The following BLMH variants were observed in gnomAD, a reference collection of about 807,000 sequenced individuals.
BLMH encodes bleomycin hydrolase, also known as BLM hydrolase.
BLMH carries 32 observed loss-of-function variants against 61.6 expected under a neutral mutation model. The observed-to-expected ratio is 0.52, with a 90% confidence interval of 0.39 to 0.70. BLMH has a LOEUF of 0.70. BLMH is among the 30% of genes least tolerant of loss of function. BLMH has a pLI of 0.00. For synonymous variants in BLMH, 183 were observed against 193.8 expected (o/e 0.94, Z 0.46); for missense variants, 460 against 555.5 (o/e 0.83, Z 1.73).
intron 5 of BLMH, among the ~76,000 whole-genome samples, chr17:30,285,730 C>T (rs866474156): frequency 6.6e-6 from 1 of 152,182 alleles, no homozygotes; most frequent in African/African-American, 2.4e-5. Flanking sequence ...CTGCAAACAT[C>T]GCATAAAGGT....
At chr17:30,272,138 C>T (rs1451843040) in intron 9 of BLMH, 1 of 193,798 alleles carries the variant, frequency 5.2e-6, no homozygotes, top group Non-Finnish European at 1.1e-5. Flanking sequence ...AGGAGGAATG[C>T]TATAAAGTAT....
At chr17:30,249,335 G>T in intron 11 of BLMH, 167 bp from the exon 12 acceptor site, 1 of 761,750 alleles carries the variant, frequency 1.3e-6, no homozygotes, top group Non-Finnish European at 2.0e-6. Context: ...CTGTGAAGCA[G>T]ATAGGACAGG....
intron 11 of BLMH, among the ~76,000 whole-genome samples, chr17:30,263,856 A>G (rs943869176): frequency 6.6e-6 from 1 of 152,250 alleles, no homozygotes; most frequent in Admixed American, 6.5e-5. Flanking sequence ...AACAGTCAGA[A>G]ATCCCAAAGA....
Position 30,286,895 on chromosome 17 carries a change from A to G in BLMH, c.471T>C (p.Tyr157=), listed in dbSNP as rs775958961. 1.9e-6 allele frequency: 3 copies of G among 1,578,162 alleles called. No individual in the cohort carries two copies. The highest frequency in any genetic ancestry group is 1.1e-5 in the South Asian group (1 of 89,038). Residue 157 remains tyrosine (Y), a synonymous_variant, in exon 5 of 12, where the codon TAT becomes TAC. Coordinates refer to ENST00000261714, the MANE Select transcript of BLMH (RefSeq NM_000386.4). ...GGAAGCATTTCTTAGGGATAACACC[A>G]TATTTTTCTAAAAGAAAACAAATTC... ...WDMLVNIVEK[Y]GVIPKKCFPE...
At chr17:30,269,951 C>G (rs1270138199) in intron 10 of BLMH, among the ~76,000 whole-genome samples, 1 of 152,072 alleles carries the variant, frequency 6.6e-6, no homozygotes, top group Non-Finnish European at 1.5e-5. Flanking sequence ...GTTTTGAATA[C>G]AGAGAGAGCA....
At chr17:30,258,920 C>A (rs913463355) in intron 11 of BLMH, among the ~76,000 whole-genome samples, 2 of 152,172 alleles carry the variant, frequency 1.3e-5, no homozygotes, top group African/African-American at 4.8e-5. Flanking sequence ...ACCTGTTCAA[C>A]GCATGCTCCA....
At chr17:30,258,240 G>A (rs1907868187) in intron 11 of BLMH, among the ~76,000 whole-genome samples, 1 of 151,750 alleles carries the variant, frequency 6.6e-6, no homozygotes, top group Admixed American at 6.6e-5. Context: ...AAAAGCCAGA[G>A]GAAGAGAACC....
intron 6 of BLMH, among the ~76,000 whole-genome samples, chr17:30,283,356 G>A (rs1597666622): frequency 6.6e-6 from 1 of 151,970 alleles, no homozygotes; most frequent in South Asian, 2.1e-4. Flanking sequence ...CAATTACCAC[G>A]CTCTACCAAT....
In BLMH at chr17:30,254,516, A is replaced by G. The variant is rs1907761626; in HGVS notation, c.1217-5348T>C. Among the ~76,000 whole-genome samples, 3 of 152,226 alleles carry G rather than the reference A, an allele frequency of 2.0e-5. No homozygotes were observed. The South Asian group carries it at 6.2e-4, about 32-fold the overall frequency. ...CAAAGACTGTGTAGCAACATGAAGA[A>G]ATGTTTAGGTGATAAAAAATAGATT... On this transcript the variant is annotated intron_variant, in intron 11 of 11. Coordinates refer to ENST00000261714, the MANE Select transcript of BLMH (RefSeq NM_000386.4).
Position 30,249,209 on chromosome 17 carries a change from G to A in BLMH, c.1217-41C>T, listed in dbSNP as rs1393702428. On this transcript the variant is annotated intron_variant, in intron 11 of 11. Transcript: ENST00000261714. ...GAAGACTTATGAGTCCAGAGGGCAA[G>A]GGACAAAGAGCAGAAACCCTTTTTG... The A allele has an allele frequency of 2.5e-6, 4 of 1,602,720 alleles. No homozygotes were observed. The African/African-American group carries it at 5.4e-5, about 22-fold the overall frequency.
In BLMH at chr17:30,272,634, A is replaced by ACCAC; in HGVS notation, c.961-7_961-6insGTGG. Reference sequence around the variant, plus strand: ...TCACAGCCAAACCACACAGCCTAGAAACAGAAGAAAGAGGAAGAAAGTCAA... The same window carrying ACCAC: ...TCACAGCCAAACCACACAGCCTAGAACCACACAGAAGAAAGAGGAAGAAAGTCAA... On this transcript the variant is annotated splice_region_variant and splice_polypyrimidine_tract_variant and intron_variant, in intron 8 of 11. Coordinates refer to ENST00000261714, the MANE Select transcript of BLMH (RefSeq NM_000386.4). 1 of 1,613,404 alleles carries ACCAC rather than the reference A, an allele frequency of 6.2e-7. No individual in the cohort carries two copies. Among genetic ancestry groups the ACCAC allele is most frequent in the South Asian group, 1.1e-5 (1 of 91,086 alleles).
intron 6 of BLMH, among the ~76,000 whole-genome samples, chr17:30,282,739 A>G (rs1021627421): frequency 6.6e-6 from 1 of 152,218 alleles, no homozygotes; most frequent in African/African-American, 2.4e-5. Context: ...CATCATTTTG[A>G]CTTGCCTACA....
Position 30,291,915 on chromosome 17 carries a change from T to C in BLMH, c.-96A>G. The C allele has an allele frequency of 8.1e-7, 1 of 1,228,090 alleles. No individual in the cohort carries two copies. 76.1% of individuals were successfully genotyped at this position (1,228,090 alleles called of 1,614,324 possible). On this transcript the variant is annotated 5_prime_UTR_variant, in exon 1 of 12. Coordinates refer to ENST00000261714, the MANE Select transcript of BLMH (RefSeq NM_000386.4). The stretch of plus-strand genomic sequence containing the variant: ...GGCTCGCTGCCTAGGGGGCCCGACC[T>C]GTCTCTCGCACCCGGAGCGCCGGAA...
At chr17:30,276,964 C>T (rs886590068) in intron 6 of BLMH, among the ~76,000 whole-genome samples, 2 of 152,332 alleles carry the variant, frequency 1.3e-5, no homozygotes, top group Middle Eastern at 6.8e-3. Flanking sequence ...AACACATTAT[C>T]TTTTGTGTCT....
rs193151109 is a variant in BLMH, at chr17:30,265,315, T to C, written c.1216+1570A>G. ...AGCCTGTGCTGCCCAATCAGCATAC[T>C]AAAATGCTGTCAAGTTCAAAACTCA... On this transcript the variant is annotated intron_variant, in intron 11 of 11. Coordinates refer to ENST00000261714, the MANE Select transcript of BLMH (RefSeq NM_000386.4). Among the ~76,000 whole-genome samples, 280 of 152,354 alleles carry C rather than the reference T, an allele frequency of 1.8e-3. 1 individual carries two copies. The highest frequency in any genetic ancestry group is 2.2e-3 in the Non-Finnish European group (151 of 68,044).
At chr17:30,261,948 G>C (rs902249396) in intron 11 of BLMH, among the ~76,000 whole-genome samples, 5 of 152,104 alleles carry the variant, frequency 3.3e-5, no homozygotes, top group African/African-American at 1.2e-4. Flanking sequence ...AAGAAATCAG[G>C]AACAGAGAGG....
chr17:30,253,302 C>T (rs928624564), intron 11 of BLMH, among the ~76,000 whole-genome samples: 1 of 152,200 alleles, frequency 6.6e-6, no homozygotes, highest in Non-Finnish European at 1.5e-5. Flanking sequence ...AAAAGCATAT[C>T]AGATTAAGTC....
chr17:30,248,996 G>T lies in BLMH; in HGVS notation c.*21C>A, dbSNP rs761422697. ...AGCTACGTCAGGTTCCATGGAAGGA[G>T]GAAAGAGCTGGAGGGCAGTATCACT... On this transcript the variant is annotated 3_prime_UTR_variant, in exon 12 of 12. Transcript: ENST00000261714. 5 of 1,613,088 alleles carry T rather than the reference G, an allele frequency of 3.1e-6. No individual in the cohort carries two copies. The South Asian group carries it at 5.5e-5, about 18-fold the overall frequency.
At position 30,287,802 on chromosome 17, in the gene BLMH, T is replaced by G. The variant is rs754251135; in HGVS notation, c.463+4A>C. The G allele has an allele frequency of 8.7e-6, 14 of 1,613,402 alleles. No individual in the cohort carries two copies. Among genetic ancestry groups the G allele is most frequent in the Non-Finnish European group, 1.2e-5 (14 of 1,179,756 alleles). ...TTCAGTTCCATTAAAGAAAGAACTT[T>G]TACCAACAATATTAACAAGCATATC... On this transcript the variant is annotated splice_donor_region_variant and intron_variant, in intron 4 of 11. Transcript: ENST00000261714.
Sources: allele counts gnomAD v4.1 joint callset (sites outside exome capture counted in the v4.1 genomes callset), GRCh38; gene constraint gnomAD v4.1.1; transcripts MANE v1.5; gene names NCBI Gene and HGNC (gene_info 2026-07-23, HGNC 2026-07-21).